The following RAD50 variants were observed in gnomAD, a reference collection of about 807,000 sequenced individuals.
The protein encoded by RAD50 is DNA repair protein RAD50.
In RAD50, 132 loss-of-function variants were observed where a neutral mutation model predicts 168.8. The observed-to-expected ratio is 0.78, with a 90% CI of 0.68 to 0.90. The LOEUF is 0.90. Among genes scored for constraint, RAD50 ranks in the 40% least tolerant of loss-of-function variants. The pLI, the probability that RAD50 is intolerant of heterozygous loss-of-function variation, is 0.00. For synonymous variants in RAD50, 525 were observed against 497.4 expected (o/e 1.06, Z -0.74); for missense variants, 1,347 against 1,534.4 (o/e 0.88, Z 2.04).
chr5:132,597,943 A>G (rs1750819223), intron 13 of RAD50, among the ~76,000 whole-genome samples: 1 of 152,212 alleles, frequency 6.6e-6, no homozygotes, highest in South Asian at 2.1e-4. Flanking sequence ...AAATTGGTAG[A>G]AAGTACACGT....
intron 21 of RAD50, among the ~76,000 whole-genome samples, chr5:132,624,993 A>G (rs1751347269): frequency 6.6e-6 from 1 of 152,132 alleles, no homozygotes; most frequent in Non-Finnish European, 1.5e-5. Context: ...AAAGTCCAAC[A>G]TGATAAGTTT....
chr5:132,604,880 A>G lies in RAD50; in HGVS notation c.2599A>G (p.Thr867Ala), dbSNP rs753186320. Reference protein sequence around the residue: ...QEQIQHLKSTTNELKSEKLQI... With the variant: ...QEQIQHLKSTANELKSEKLQI... ...ACAGATTCAACATCTAAAAAGTACA[A>G]CAAATGAGCTAAAATCTGAGAAACT... The change falls in exon 16 of 25, where the codon ACA (threonine) becomes GCA (alanine). Residue 867 changes from threonine to alanine, a missense_variant. By Grantham distance (58) the Thr-to-Ala change is moderately conservative. Around this residue, in one of 3 missense-constraint regions of RAD50, gnomAD observed 635 missense variants for 739.2 expected, o/e 0.86. Coordinates refer to ENST00000378823, the MANE Select transcript of RAD50 (RefSeq NM_005732.4). The G allele has an allele frequency of 9.3e-6, 15 of 1,613,698 alleles. No individual in the cohort carries two copies. Among genetic ancestry groups the G allele is most frequent in the Non-Finnish European group, 1.1e-5 (13 of 1,179,746 alleles).
intron 21 of RAD50, among the ~76,000 whole-genome samples, chr5:132,627,013 T>C (rs1751384044): frequency 6.6e-6 from 1 of 152,140 alleles, no homozygotes; most frequent in African/African-American, 2.4e-5. Context: ...TCTAAGTAGC[T>C]GGGATTACAG....
At chr5:132,617,978 A>T in intron 20 of RAD50, 92 bp from the exon 21 acceptor site, 1 of 1,036,132 alleles carries the variant, frequency 9.7e-7, no homozygotes, top group Non-Finnish European at 1.5e-6. Context: ...GGAGAATGAT[A>T]CTTAACCTAT....
intron 12 of RAD50, 158 bp downstream of exon 12, chr5:132,595,202 G>A: frequency 1.3e-6 from 1 of 773,508 alleles, no homozygotes; most frequent in Non-Finnish European, 2.1e-6. Flanking sequence ...GTGACTTTAG[G>A]CAAGTTACTG....
At chr5:132,610,039 A>G (rs1237081477) in intron 19 of RAD50, among the ~76,000 whole-genome samples, 3 of 151,402 alleles carry the variant, frequency 2.0e-5, no homozygotes, top group East Asian at 3.9e-4. Flanking sequence ...ATATATATAT[A>G]TATATATTTA....
chr5:132,586,267 A>G (rs1561638328), intron 5 of RAD50, among the ~76,000 whole-genome samples: 1 of 152,166 alleles, frequency 6.6e-6, no homozygotes, highest in Non-Finnish European at 1.5e-5. Flanking sequence ...TCTTATTGTT[A>G]TCTTGTCTCC....
At chr5:132,606,102 C>T (rs2522392) in intron 16 of RAD50, among the ~76,000 whole-genome samples, 49,505 of 151,740 alleles carry the variant, frequency 0.33, 10,617 homozygotes, top group African/African-American at 0.62. Flanking sequence ...ATTCAAAAGC[C>T]AGCAGAAGAC....
intron 19 of RAD50, among the ~76,000 whole-genome samples, chr5:132,615,615 A>G (rs898458715): frequency 1.3e-5 from 2 of 152,180 alleles, no homozygotes; most frequent in African/African-American, 2.4e-5. Context: ...TAGGTATTAA[A>G]ATATCTAGTT....
chr5:132,611,892 T>G (rs1482297581), intron 19 of RAD50, among the ~76,000 whole-genome samples: 1 of 152,124 alleles, frequency 6.6e-6, no homozygotes, highest in Non-Finnish European at 1.5e-5. Flanking sequence ...AGCATCATTA[T>G]TCCTTGATAC....
At chr5:132,603,202 C>A in intron 13 of RAD50, 98 bp from the exon 14 acceptor site, 1 of 1,108,252 alleles carries the variant, frequency 9.0e-7, no homozygotes. Flanking sequence ...GAAAAGAACA[C>A]AATGTCACTT....
intron 21 of RAD50, among the ~76,000 whole-genome samples, chr5:132,624,372 T>C (rs1191357721): frequency 6.6e-6 from 1 of 152,196 alleles, no homozygotes; most frequent in Non-Finnish European, 1.5e-5. Context: ...ATATTTGTTT[T>C]TTGTTTTTTG....
At chr5:132,589,562 C>T in intron 8 of RAD50, 69 bp from the exon 9 acceptor site, 1 of 1,223,180 alleles carries the variant, frequency 8.2e-7, no homozygotes, top group Admixed American at 2.5e-5. Context: ...TACATATATT[C>T]CTTTTGCAAT....
chr5:132,614,915 C>T (rs2149852542), intron 19 of RAD50, among the ~76,000 whole-genome samples: 1 of 152,180 alleles, frequency 6.6e-6, no homozygotes, highest in Admixed American at 6.5e-5. Flanking sequence ...TCCTTGATTT[C>T]CCTCTCTCAT....
rs1194012266 is a variant in RAD50, at chr5:132,645,239, C to A, written c.*2875C>A. The A allele has an allele frequency of 1.3e-5, 2 of 152,226 alleles. No homozygotes were observed. Among genetic ancestry groups the A allele is most frequent in the Admixed American group, 1.3e-4 (2 of 15,272 alleles). The allele number at this position is 152,226 out of a possible 1,614,324, so 9.4% of individuals were successfully genotyped here. On this transcript the variant is annotated 3_prime_UTR_variant, in exon 25 of 25. Transcript: ENST00000378823. Reference sequence around the variant, plus strand: ...CCACTGAGATTTCAATCCATTGATTCTATGGCTTTTTCACAGGTTGTTTCC... The same window carrying A: ...CCACTGAGATTTCAATCCATTGATTATATGGCTTTTTCACAGGTTGTTTCC...
chr5:132,583,661 A>G (rs944105781), intron 5 of RAD50, among the ~76,000 whole-genome samples: 18 of 140,558 alleles, frequency 1.3e-4, no homozygotes, highest in African/African-American at 1.3e-4. Flanking sequence ...GGATTTATCT[A>G]TGTTGCTGCA....
At chr5:132,558,108 C>T (rs533496044) in intron 1 of RAD50, among the ~76,000 whole-genome samples, 2 of 151,276 alleles carry the variant, frequency 1.3e-5, no homozygotes, top group African/African-American at 4.9e-5. Context: ...AAAAGCAAGA[C>T]GATGTCAGTA....
Position 132,642,932 on chromosome 5 carries a change from A to G in RAD50, c.*568A>G, listed in dbSNP as rs1178654540. 6.5e-6 allele frequency: 3 copies of G among 463,186 alleles called. No homozygotes were observed. The highest frequency in any genetic ancestry group is 1.8e-5 in the South Asian group (1 of 56,872). The allele number at this position is 463,186 out of a possible 1,614,324, so 28.7% of individuals were successfully genotyped here. ...TTTGAAGTAGTTGAATGGGGTCTCA[A>G]AGTTTGACAGGAACCTTAAGTAATC... On this transcript the variant is annotated 3_prime_UTR_variant, in exon 25 of 25. Transcript: ENST00000378823.
Position 132,643,267 on chromosome 5 carries a change from A to G in RAD50, c.*903A>G, listed in dbSNP as rs1174560928. The G allele has an allele frequency of 3.8e-6, 1 of 264,460 alleles. No homozygotes were observed. Among genetic ancestry groups the G allele is most frequent in the East Asian group, 5.0e-5 (1 of 19,940 alleles). 16.4% of individuals were successfully genotyped at this position (264,460 alleles called of 1,614,324 possible). ...CCCTGTAGGGTCCAACCAGACCTGG[A>G]AGAACAGGCCTCTCCATTTGCTCTT... On this transcript the variant is annotated 3_prime_UTR_variant, in exon 25 of 25. Transcript: ENST00000378823.
Sources: allele counts gnomAD v4.1 joint callset (sites outside exome capture counted in the v4.1 genomes callset), GRCh38; gene constraint gnomAD v4.1.1; regional missense constraint gnomAD v4.1.1; transcripts MANE v1.5; gene names NCBI Gene and HGNC (gene_info 2026-07-23, HGNC 2026-07-21).